The following DIP2C variants were observed in gnomAD, a reference collection of about 807,000 sequenced individuals.
DIP2C encodes disco-interacting protein 2 homolog C.
In DIP2C, 33 loss-of-function variants were observed where a neutral mutation model predicts 192.4. That is an observed-to-expected ratio of 0.17 (90% CI 0.13 to 0.23). The LOEUF is 0.23. Among genes scored for constraint, DIP2C ranks in the 10% least tolerant of loss-of-function variants. DIP2C has a pLI of 1.00. For synonymous variants in DIP2C, 979 were observed against 864.1 expected (o/e 1.13, Z -2.33); for missense variants, 1,537 against 2,110.1 (o/e 0.73, Z 5.32).
chr10:576,192 G>C (rs550374051), intron 1 of DIP2C, among the ~76,000 whole-genome samples: 1 of 152,206 alleles, frequency 6.6e-6, no homozygotes, highest in East Asian at 1.9e-4. Flanking sequence ...ATTTATAAAT[G>C]GTATCAGTGG....
chr10:290,737 C>T (rs2132198875), intron 32 of DIP2C, among the ~76,000 whole-genome samples: 1 of 152,302 alleles, frequency 6.6e-6, no homozygotes, highest in East Asian at 1.9e-4. Flanking sequence ...GGTCAGAGGC[C>T]CCCACCTCAG....
rs1469021123 is a variant in DIP2C, at chr10:581,364, T to A, written c.86-94834A>T. Among the ~76,000 whole-genome samples the A allele has an allele frequency of 2.6e-5, 4 of 152,324 alleles. No individual in the cohort carries two copies. In the South Asian group the frequency reaches 8.3e-4, roughly 32 times the overall value. The stretch of plus-strand genomic sequence containing the variant: ...GCCACTGTTGACAAAATACAGGCAG[T>A]CTTCTGCAAATATGAGTTTCTAGGA... On this transcript the variant is annotated intron_variant, in intron 1 of 36. Coordinates refer to ENST00000280886, the MANE Select transcript of DIP2C (RefSeq NM_014974.3).
At chr10:659,480 CTACTT>C (rs1198187578) in intron 1 of DIP2C, among the ~76,000 whole-genome samples, 8 of 152,226 alleles carry the variant, frequency 5.3e-5, no homozygotes, top group Middle Eastern at 3.4e-3. Context: ...TTAATAAACT[CTACTT>C]TACTGCACAT....
intron 36 of DIP2C, among the ~76,000 whole-genome samples, chr10:279,755 T>G (rs769072424): frequency 4.6e-5 from 7 of 152,200 alleles, no homozygotes; most frequent in Non-Finnish European, 8.8e-5. Context: ...GCAAGGGGCA[T>G]GTGAGCCCCT....
intron 24 of DIP2C, among the ~76,000 whole-genome samples, chr10:354,094 T>C (rs1228296507): frequency 6.6e-6 from 1 of 152,048 alleles, no homozygotes; most frequent in Non-Finnish European, 1.5e-5. Context: ...ACACAAGCAA[T>C]AGCTCAAGCG....
At chr10:280,172 C>A (rs1022596637) in intron 36 of DIP2C, among the ~76,000 whole-genome samples, 2 of 152,158 alleles carry the variant, frequency 1.3e-5, no homozygotes, top group Non-Finnish European at 2.9e-5. Context: ...GACAGGTATG[C>A]AGACTTGATC....
chr10:389,159 G>C, intron 13 of DIP2C, among the ~76,000 whole-genome samples: 1 of 150,348 alleles, frequency 6.7e-6, no homozygotes, highest in Non-Finnish European at 1.5e-5. Context: ...GGTTCTCTGG[G>C]GTCTCAAAGG....
intron 17 of DIP2C, among the ~76,000 whole-genome samples, chr10:371,615 A>G (rs1282135441): frequency 7.5e-6 from 1 of 133,306 alleles, no homozygotes; most frequent in African/African-American, 3.1e-5. Context: ...GGTGAGGCCC[A>G]GGGCGGATCG....
At chr10:509,079 G>T (rs565803276) in intron 1 of DIP2C, among the ~76,000 whole-genome samples, 48 of 152,322 alleles carry the variant, frequency 3.2e-4, no homozygotes, top group African/African-American at 7.7e-4. Context: ...GCTGTGGACA[G>T]ACGAGCAGGC....
intron 3 of DIP2C, among the ~76,000 whole-genome samples, chr10:449,426 A>AT (rs1968647278): frequency 6.6e-6 from 1 of 152,162 alleles, no homozygotes; most frequent in African/African-American, 2.4e-5. Context: ...ACACACTTGC[A>AT]TATTATACAT....
intron 1 of DIP2C, among the ~76,000 whole-genome samples, chr10:580,201 C>T (rs1564225193): frequency 6.6e-6 from 1 of 150,920 alleles, no homozygotes. Context: ...TATACATATG[C>T]ACATATATAT....
chr10:489,050 C>T (rs1315103355), intron 1 of DIP2C, among the ~76,000 whole-genome samples: 3 of 152,156 alleles, frequency 2.0e-5, no homozygotes, highest in Non-Finnish European at 2.9e-5. Flanking sequence ...ATGATTCTAT[C>T]CCAAAATGCA....
intron 9 of DIP2C, among the ~76,000 whole-genome samples, chr10:400,049 T>C (rs1341887844): frequency 6.6e-6 from 1 of 152,232 alleles, no homozygotes; most frequent in Non-Finnish European, 1.5e-5. Flanking sequence ...ATAGATATTA[T>C]GATTTTTTTT....
intron 1 of DIP2C, among the ~76,000 whole-genome samples, chr10:632,331 C>T (rs1262192054): frequency 2.0e-5 from 3 of 152,044 alleles, no homozygotes; most frequent in Non-Finnish European, 4.4e-5. Flanking sequence ...CACGCGGGCA[C>T]CAGCGTGAAC....
chr10:369,664 A>G, intron 17 of DIP2C, 31 bp from the exon 18 acceptor site: 1 of 1,614,050 alleles, frequency 6.2e-7, no homozygotes, highest in Non-Finnish European at 8.5e-7. Context: ...TTGAATATGC[A>G]GGAGCAGATA....
intron 1 of DIP2C, among the ~76,000 whole-genome samples, chr10:511,996 C>G (rs1004264126): frequency 2.0e-5 from 3 of 152,166 alleles, no homozygotes; most frequent in African/African-American, 4.8e-5. Context: ...TCGGTAAAAG[C>G]GTGAGCACCA....
intron 1 of DIP2C, among the ~76,000 whole-genome samples, chr10:511,631 C>A (rs1269505537): frequency 1.1e-4 from 1 of 8,988 alleles, no homozygotes; most frequent in Non-Finnish European, 0.01. Context: ...CCGACACTGA[C>A]CCAGCCTCCC....
intron 1 of DIP2C, among the ~76,000 whole-genome samples, chr10:575,358 G>A (rs532060785): frequency 6.6e-6 from 1 of 152,302 alleles, no homozygotes; most frequent in African/African-American, 2.4e-5. Flanking sequence ...TTCAAATGAA[G>A]GGACTGGTAA....
At chr10:619,163 G>A (rs970004678) in intron 1 of DIP2C, among the ~76,000 whole-genome samples, 6 of 152,100 alleles carry the variant, frequency 3.9e-5, no homozygotes, top group East Asian at 1.9e-4. Context: ...CACTGATGCC[G>A]TCCCCCTAAC....
Sources: allele counts gnomAD v4.1 joint callset (sites outside exome capture counted in the v4.1 genomes callset), GRCh38; gene constraint gnomAD v4.1.1; transcripts MANE v1.5; gene names NCBI Gene and HGNC (gene_info 2026-07-23, HGNC 2026-07-21).